Variants in DUOX1 observed in about 807,000 individuals in gnomAD.
The protein encoded by DUOX1 is NADPH thyroid oxidase 1.
DUOX1 carries 134 observed loss-of-function variants against 181.8 expected under a neutral mutation model. That is an observed-to-expected ratio of 0.74 (90% confidence interval 0.64 to 0.85). The LOEUF (loss-of-function observed/expected upper bound fraction) is 0.85, where lower values mean the gene tolerates loss of function less well. Ranked by LOEUF, DUOX1 falls within the 40% of genes least tolerant of loss-of-function variation. The probability of loss-of-function intolerance (pLI) is 0.00; values close to 1 mark genes in which losing one functional copy is unlikely to be tolerated. For synonymous variants in DUOX1, 798 were observed against 832.5 expected (o/e 0.96, Z 0.71); for missense variants, 1,814 against 2,064.4 (o/e 0.88, Z 2.35).
At chr15:45,154,408 G>A (rs1230426327) in intron 27 of DUOX1, among the ~76,000 whole-genome samples, 1 of 152,128 alleles carries the variant, frequency 6.6e-6, no homozygotes, top group East Asian at 1.9e-4. Context: ...GCCAGACAGA[G>A]GCGCCTACCC....
intron 25 of DUOX1, 88 bp from the exon 26 acceptor site, chr15:45,153,292 T>A: frequency 1.2e-6 from 1 of 860,394 alleles, no homozygotes; most frequent in African/African-American, 1.8e-5. Context: ...GGACCCCCAC[T>A]CTGGCCAGGG....
rs147118763 is a variant in DUOX1, at chr15:45,150,670, C to T, written c.2857C>T (p.Arg953Ter). The T allele has an allele frequency of 5.4e-5, 87 of 1,614,034 alleles. No homozygotes were observed. Among genetic ancestry groups the T allele is most frequent in the Middle Eastern group, 1.7e-4 (1 of 6,042 alleles). Residue 953 changes from arginine (R) to a stop codon, truncating the protein, a stop_gained, in exon 22 of 34, where the codon CGA becomes TGA. Coordinates refer to ENST00000389037, the MANE Select transcript of DUOX1 (RefSeq NM_175940.3). LOFTEE classifies it high-confidence loss of function. ...VPEVIKDLCR[R>*]ASYISQDMIC... ...TGAAGTCATCAAGGACCTCTGCCGG[C>T]GAGCCTCCTACATCAGCCAGGATAT...
chr15:45,143,536 A>G (rs1312273822), intron 16 of DUOX1, among the ~76,000 whole-genome samples: 1 of 152,086 alleles, frequency 6.6e-6, no homozygotes, highest in East Asian at 1.9e-4. Context: ...CCCTGTAGTG[A>G]TCTTACAGGG....
At chr15:45,157,471 T>C (rs541740409) in intron 28 of DUOX1, among the ~76,000 whole-genome samples, 2 of 151,974 alleles carry the variant, frequency 1.3e-5, no homozygotes, top group East Asian at 3.9e-4. Context: ...TGTCCTGGGG[T>C]GTAGGCATCA....
rs1045066784 is a variant in DUOX1, at chr15:45,137,988, G to A, written c.1087G>A (p.Val363Ile). ...RNSSVSRALR[V>I]CNSYWSREHP... ...CTCAAGTGTCTCCAGAGCTCTCCGG[G>A]TCTGCAACAGCTACTGGAGCCGTGA... The change falls in exon 10 of 34, where the codon GTC (valine) becomes ATC (isoleucine). Residue 363 changes from valine (V) to isoleucine (I), a missense_variant. Transcript: ENST00000389037. 16 of 1,610,562 alleles carry A rather than the reference G, an allele frequency of 9.9e-6. No individual in the cohort carries two copies. Among genetic ancestry groups the A allele is most frequent in the East Asian group, 2.2e-5 (1 of 44,700 alleles).
At chr15:45,161,585 C>G (rs550848211) in intron 29 of DUOX1, among the ~76,000 whole-genome samples, 153 bp from the exon 30 acceptor site, 7 of 152,286 alleles carry the variant, frequency 4.6e-5, no homozygotes, top group African/African-American at 1.7e-4. Context: ...AGCCCCAGTG[C>G]TGCCTGGGCC....
rs144336578 is a variant in DUOX1 at position 45,151,145 on chromosome 15, C to T, written c.2911C>T (p.Arg971Cys). ...MICPSPRVSARCSRSDIETEL... is the reference protein window; with the variant it reads ...MICPSPRVSACCSRSDIETEL... Reference sequence around the variant, plus strand: ...TAGTCCCTCTCCCAGAGTGAGTGCCCGCTGTTCCCGCAGCGACATTGAGAC... The same window carrying T: ...TAGTCCCTCTCCCAGAGTGAGTGCCTGCTGTTCCCGCAGCGACATTGAGAC... Residue 971 changes from arginine (R) to cysteine (C), a missense_variant, in exon 23 of 34, where the codon CGC becomes TGC. Physicochemically the swap from Arg to Cys is radical, Grantham distance 180. Transcript: ENST00000389037. 1.7e-4 allele frequency: 280 copies of T among 1,614,148 alleles called. 2 individuals carry two copies. In the African/African-American group the frequency reaches 3.4e-3, roughly 20 times the overall value.
intron 33 of DUOX1, among the ~76,000 whole-genome samples, chr15:45,164,222 T>C (rs1257386033): frequency 6.6e-6 from 1 of 151,780 alleles, no homozygotes; most frequent in Non-Finnish European, 1.5e-5. Flanking sequence ...TCACCAATAC[T>C]GAGTCAGTCC....
chr15:45,140,052 A>C, intron 12 of DUOX1: 2 of 1,372,368 alleles, frequency 1.5e-6, no homozygotes, highest in African/African-American at 1.5e-5. Context: ...TGCCTTACCC[A>C]TTCCTGGTGT....
intron 28 of DUOX1, among the ~76,000 whole-genome samples, chr15:45,156,674 ACCCACCTCGGCCT>A (rs1332323131): frequency 2.0e-5 from 3 of 151,966 alleles, no homozygotes; most frequent in African/African-American, 7.3e-5. Flanking sequence ...CTCGTGATCC[ACCCACCTCGGCCT>A]CCCAAAGTGC....
intron 5 of DUOX1, 59 bp from the exon 6 acceptor site, chr15:45,135,415 G>A (rs1466981140): frequency 2.0e-6 from 3 of 1,521,604 alleles, no homozygotes; most frequent in East Asian, 2.5e-5. Flanking sequence ...GCCGGGCCCC[G>A]GCCTTCCCTA....
At chr15:45,149,919 T>G (rs1896760118) in intron 21 of DUOX1, among the ~76,000 whole-genome samples, 1 of 152,260 alleles carries the variant, frequency 6.6e-6, no homozygotes, top group Admixed American at 6.5e-5. Flanking sequence ...TTGCTGTTTG[T>G]GGAACATTTG....
intron 27 of DUOX1, among the ~76,000 whole-genome samples, chr15:45,154,268 C>T (rs1181477871): frequency 6.6e-6 from 1 of 152,178 alleles, no homozygotes; most frequent in Non-Finnish European, 1.5e-5. Flanking sequence ...ATATCTCCTA[C>T]TATGGACTAG....
In DUOX1 at chr15:45,140,963, C is replaced by G; in HGVS notation, c.1458C>G (p.Leu486=). ...GGCTAGAGCTGCTCCCTGGGGGACTCCTGGAGAGCCACCGGGACCCTGGAC... is the reference window on the plus strand; with the variant it reads ...GGCTAGAGCTGCTCCCTGGGGGACTGCTGGAGAGCCACCGGGACCCTGGAC... ...LSWLELLPGG[L]LESHRDPGPL... The change falls in exon 13 of 34, where the codon CTC becomes CTG. Residue 486 remains leucine (L), a synonymous_variant. Transcript: ENST00000389037. 6.2e-7 allele frequency: 1 copy of G among 1,614,168 alleles called. No individual in the cohort carries two copies. The highest frequency in any genetic ancestry group is 1.3e-5 in the African/African-American group (1 of 75,036).
At chr15:45,148,126 G>A (rs1896702871) in intron 20 of DUOX1, 129 bp downstream of exon 20, 2 of 1,439,406 alleles carry the variant, frequency 1.4e-6, no homozygotes, top group Non-Finnish European at 1.9e-6. Flanking sequence ...ACCAGAGGCT[G>A]TTCAAACTAG....
In DUOX1 at chr15:45,147,623, G is replaced by A. The variant is rs370712979; in HGVS notation, c.2513G>A (p.Arg838Gln). 6.8e-5 allele frequency: 110 copies of A among 1,614,170 alleles called. No individual in the cohort carries two copies. In the African/African-American group the frequency reaches 1.2e-3, roughly 17 times the overall value. Residue 838 changes from arginine to glutamine, a missense_variant, in exon 19 of 34, where the codon CGA (arginine) becomes CAA (glutamine). Coordinates refer to ENST00000389037, the MANE Select transcript of DUOX1 (RefSeq NM_175940.3). ...DKDGNGYLSF[R>Q]EFLDILVVFM... is the part of the protein sequence containing the mutation. Reference sequence around the variant, plus strand: ...GATGGCAATGGCTACCTGTCCTTCCGAGAGTTCCTGGACATCCTGGTGGTC... The same window carrying A: ...GATGGCAATGGCTACCTGTCCTTCCAAGAGTTCCTGGACATCCTGGTGGTC...
chr15:45,152,110 TG>T, intron 24 of DUOX1, 58 bp downstream of exon 24: 2 of 1,580,390 alleles, frequency 1.3e-6, no homozygotes, highest in Non-Finnish European at 8.6e-7. Flanking sequence ...GTGATCGCCC[TG>T]GGGGTGGGGC....
chr15:45,142,063 T>C lies in DUOX1; in HGVS notation c.1773T>C (p.Ser591=). ...TTGTTCGTGACTATTTTGAGGGCAG[T>C]GGATTTGGCTTCGGGGTCACCATCG... ...PSVVRDYFEG[S]GFGFGVTIGT... Residue 591 remains serine, a synonymous_variant, in exon 15 of 34, where the codon AGT becomes AGC. Transcript: ENST00000389037. The C allele has an allele frequency of 6.2e-7, 1 of 1,614,070 alleles. No individual in the cohort carries two copies. The highest frequency in any genetic ancestry group is 8.5e-7 in the Non-Finnish European group (1 of 1,180,022).
rs1036377766 is a variant in DUOX1, at chr15:45,158,445, G to A, written c.3703-2392G>A. ...ATCTGTTGGCCGAGTGCAGTGGCTC[G>A]CACCTGTAATCCCAGCATTTTGGGA... is the stretch of plus-strand genomic sequence containing the variant. On this transcript the variant is annotated intron_variant, in intron 28 of 33. Transcript: ENST00000389037. Among the ~76,000 whole-genome samples the A allele has an allele frequency of 5.3e-5, 8 of 151,976 alleles. No individual in the cohort carries two copies. The East Asian group carries it at 7.7e-4, about 15-fold the overall frequency.
Sources: allele counts gnomAD v4.1 joint callset (sites outside exome capture counted in the v4.1 genomes callset), GRCh38; gene constraint gnomAD v4.1.1; transcripts MANE v1.5; gene names NCBI Gene and HGNC (gene_info 2026-07-23, HGNC 2026-07-21).